The following AEN variants were observed in gnomAD, a reference collection of about 807,000 sequenced individuals.
The protein encoded by AEN is apoptosis-enhancing nuclease.
A neutral mutation model predicts 17.7 loss-of-function variants in AEN; 21 were observed. The ratio of observed to expected loss-of-function variants is 1.19; its 90% confidence interval spans 0.84 to 1.71. The LOEUF (loss-of-function observed/expected upper bound fraction) is 1.71, where lower values mean the gene tolerates loss of function less well. AEN is among the 40% of genes most tolerant of loss of function. AEN has a pLI of 0.00. For synonymous variants in AEN, 190 were observed against 173.0 expected, an observed-to-expected ratio of 1.10 and a Z score of -0.77; for missense variants, 462 against 435.9, an observed-to-expected ratio of 1.06 and a Z score of -0.53.
upstream of AEN, among the ~76,000 whole-genome samples, chr15:88,617,745 C>A (rs2057750024): frequency 6.6e-6 from 1 of 152,132 alleles, no homozygotes; most frequent in Non-Finnish European, 1.5e-5. Context: ...GGCGATTCCC[C>A]ACTATACCCT....
chr15:88,626,133 G>T lies in AEN; in HGVS notation c.-64-13G>T. Reference sequence around the variant, plus strand: ...TCTCACCCAGCCCCTCTGCCTGTGTGTTCTCTCTTCAGGCTGCTGCCCCAT... The same window carrying T: ...TCTCACCCAGCCCCTCTGCCTGTGTTTTCTCTCTTCAGGCTGCTGCCCCAT... On this transcript the variant is annotated splice_polypyrimidine_tract_variant and intron_variant, in intron 1 of 3. Transcript: ENST00000332810. 1 of 1,467,306 alleles carries T rather than the reference G, an allele frequency of 6.8e-7. No individual in the cohort carries two copies. 90.9% of individuals were successfully genotyped at this position (1,467,306 alleles called of 1,614,324 possible). A position where few individuals can be genotyped will look rare whatever the true frequency, so the allele number is the denominator to read the frequency against.
At chr15:88,616,176 C>T in the AEN span, among the ~76,000 whole-genome samples, 59 of 152,068 alleles carry the variant, frequency 3.9e-4, no homozygotes, top group Non-Finnish European at 8.1e-4. Context: ...TCACTGCAAC[C>T]TCTGCCTCCC....
chr15:88,620,545 G>C (rs1020055459), upstream of AEN, among the ~76,000 whole-genome samples: 6 of 151,332 alleles, frequency 4.0e-5, no homozygotes, highest in Middle Eastern at 0.01. Flanking sequence ...CTCCCGAGTA[G>C]CTGGGATTAC....
chr15:88,626,901 G>A (rs1567104445), intron 2 of AEN, 152 bp downstream of exon 2: 3 of 838,032 alleles, frequency 3.6e-6, no homozygotes, highest in Non-Finnish European at 5.4e-6. Flanking sequence ...CCATAGAACA[G>A]GGGAAATAAA....
chr15:88,630,143 A>T lies in AEN; in HGVS notation c.827A>T (p.Gln276Leu). ...YRLVEVQWEQ[Q>L]EARSLWTCPE... ...CTGGTGGAGGTGCAGTGGGAACAGCAGGAGGCCCGCAGCCTCTGGACCTGC... is the reference window on the plus strand; with the variant it reads ...CTGGTGGAGGTGCAGTGGGAACAGCTGGAGGCCCGCAGCCTCTGGACCTGC... Residue 276 changes from glutamine (Q) to leucine (L), a missense_variant, in exon 4 of 4, where the codon CAG becomes CTG. By Grantham distance (113) the Gln-to-Leu change is moderately radical (BLOSUM62 -2). Transcript: ENST00000332810. The surrounding 1 kb of genome is among the most constrained non-coding windows in gnomAD (Gnocchi z 5.1). 1.2e-6 allele frequency: 2 copies of T among 1,613,762 alleles called. No individual in the cohort carries two copies. Among genetic ancestry groups the T allele is most frequent in the Non-Finnish European group, 1.7e-6 (2 of 1,179,994 alleles).
At chr15:88,620,654 T>G (rs745727148), upstream of AEN, among the ~76,000 whole-genome samples, 5 of 151,994 alleles carry the variant, frequency 3.3e-5, no homozygotes, top group African/African-American at 1.2e-4. Flanking sequence ...GGTGATCACC[T>G]GCCTCGGCCT....
chr15:88,620,509 G>T (rs2057773996), upstream of AEN, among the ~76,000 whole-genome samples: 1 of 151,852 alleles, frequency 6.6e-6, no homozygotes, highest in African/African-American at 2.4e-5. Context: ...CCGCCTTCTG[G>T]GCTCAAGCGA....
chr15:88,625,067 C>G (rs748782178), intron 1 of AEN, among the ~76,000 whole-genome samples: 2 of 152,206 alleles, frequency 1.3e-5, no homozygotes, highest in African/African-American at 4.8e-5. Context: ...CCTGTAGCAG[C>G]AATGAACGAC....
chr15:88,607,955 C>T, the AEN span, among the ~76,000 whole-genome samples: 726 of 152,220 alleles, frequency 4.8e-3, 6 homozygotes, highest in African/African-American at 0.017. Flanking sequence ...GAAGTGCTTT[C>T]CTTTATGAAT....
At chr15:88,605,934 G>A in the AEN span, among the ~76,000 whole-genome samples, 1 of 152,250 alleles carries the variant, frequency 6.6e-6, no homozygotes, top group Admixed American at 6.5e-5. This position sits in a 1 kb window ranked among gnomAD's most constrained non-coding sequence, Gnocchi z 7.6. Context: ...CGCGGAGGAG[G>A]TCAGGAGGTG....
upstream of AEN, among the ~76,000 whole-genome samples, chr15:88,619,491 C>A (rs138277941): frequency 2.1e-3 from 315 of 152,228 alleles, 7 homozygotes; most frequent in East Asian, 0.053. Context: ...AGTTCGAGAC[C>A]AGCCTGACCA....
chr15:88,607,060 T>C, the AEN span, among the ~76,000 whole-genome samples: 4 of 152,172 alleles, frequency 2.6e-5, no homozygotes, highest in African/African-American at 9.7e-5. Context: ...CCTGGTTTGA[T>C]AGTCATCCCT....
At chr15:88,610,382 G>A in the AEN span, among the ~76,000 whole-genome samples, 8 of 151,814 alleles carry the variant, frequency 5.3e-5, no homozygotes, top group Non-Finnish European at 1.2e-4. Flanking sequence ...AAAGGATGGG[G>A]AAAGGAGGTC....
intron 1 of AEN, among the ~76,000 whole-genome samples, chr15:88,623,257 A>G (rs1482114851): frequency 1.3e-5 from 2 of 152,236 alleles, no homozygotes; most frequent in African/African-American, 4.8e-5. Flanking sequence ...TCTCCTGGAA[A>G]GGATGGGATG....
chr15:88,609,892 T>C, the AEN span, among the ~76,000 whole-genome samples: 1 of 152,350 alleles, frequency 6.6e-6, no homozygotes, highest in African/African-American at 2.4e-5. Flanking sequence ...GTTTCATTTA[T>C]CACGGGCCAG....
In AEN at chr15:88,630,046, T is replaced by C; in HGVS notation, c.742-12T>C. 6 of 1,613,624 alleles carry C rather than the reference T, an allele frequency of 3.7e-6. No individual in the cohort carries two copies. Among genetic ancestry groups the C allele is most frequent in the Non-Finnish European group, 4.2e-6 (5 of 1,179,784 alleles). ...GGCCTGCAGGCAGTGATGTGTTGGCTCTCGTCAGTAGGTGGGCCAGCACGG... is the reference window on the plus strand; with the variant it reads ...GGCCTGCAGGCAGTGATGTGTTGGCCCTCGTCAGTAGGTGGGCCAGCACGG... On this transcript the variant is annotated splice_polypyrimidine_tract_variant and intron_variant, in intron 3 of 3. Coordinates refer to ENST00000332810, the MANE Select transcript of AEN (RefSeq NM_022767.4). The surrounding 1 kb of genome is among the most constrained non-coding windows in gnomAD (Gnocchi z 5.1).
In AEN at chr15:88,630,143, A is replaced by G. The variant is rs1315623946; in HGVS notation, c.827A>G (p.Gln276Arg). Reference protein sequence around the residue: ...YRLVEVQWEQQEARSLWTCPE... With the variant: ...YRLVEVQWEQREARSLWTCPE... ...CTGGTGGAGGTGCAGTGGGAACAGC[A>G]GGAGGCCCGCAGCCTCTGGACCTGC... Residue 276 changes from glutamine to arginine, a missense_variant, in exon 4 of 4, where the codon CAG (glutamine) becomes CGG (arginine). Physicochemically the swap from Gln to Arg is conservative, Grantham distance 43. Coordinates refer to ENST00000332810, the MANE Select transcript of AEN (RefSeq NM_022767.4). The surrounding 1 kb of genome is among the most constrained non-coding windows in gnomAD (Gnocchi z 5.1). 13 of 1,613,644 alleles carry G rather than the reference A, an allele frequency of 8.1e-6. No individual in the cohort carries two copies. Among genetic ancestry groups the G allele is most frequent in the Non-Finnish European group, 1.0e-5 (12 of 1,180,002 alleles).
chr15:88,627,817 A>C (rs1242714723), intron 2 of AEN: 1 of 152,206 alleles, frequency 6.6e-6, no homozygotes, highest in Admixed American at 6.5e-5. Flanking sequence ...CAAAGGTGAA[A>C]TTTGCATTGT....
upstream of AEN, among the ~76,000 whole-genome samples, chr15:88,620,901 C>G (rs892239593): frequency 6.6e-6 from 1 of 152,158 alleles, no homozygotes; most frequent in Non-Finnish European, 1.5e-5. Context: ...TTCAAAGTCT[C>G]TCTTTAGTGC....
Sources: allele counts gnomAD v4.1 joint callset (sites outside exome capture counted in the v4.1 genomes callset), GRCh38; gene constraint gnomAD v4.1.1; non-coding constraint Gnocchi (gnomAD v3.1); transcripts MANE v1.5; gene names NCBI Gene and HGNC (gene_info 2026-07-23, HGNC 2026-07-21).